The following CLDN16 variants were observed in gnomAD, a reference collection of about 807,000 sequenced individuals.
The protein encoded by CLDN16 is claudin-16.
Under a neutral mutation model 24.6 loss-of-function variants are expected in CLDN16, and 13 were observed. That is an observed-to-expected ratio of 0.53 (90% CI 0.34 to 0.84). The LOEUF is 0.84. Ranked by LOEUF, CLDN16 falls within the 40% of genes least tolerant of loss-of-function variation. The probability of loss-of-function intolerance (pLI) is 0.01; values close to 1 mark genes in which losing one functional copy is unlikely to be tolerated. For missense variants in CLDN16, 298 were observed against 292.7 expected, an observed-to-expected ratio of 1.02 and a Z score of -0.13; for synonymous variants, 116 against 106.7, an observed-to-expected ratio of 1.09 and a Z score of -0.54.
upstream of CLDN16, among the ~76,000 whole-genome samples, chr3:190,319,394 C>T (rs1716857746): frequency 6.6e-6 from 1 of 152,104 alleles, no homozygotes; most frequent in South Asian, 2.1e-4. Flanking sequence ...CATTTGTTTC[C>T]CCAGGAAGTG....
At chr3:190,386,138 C>T (rs1718492238), upstream of CLDN16, among the ~76,000 whole-genome samples, 1 of 150,810 alleles carries the variant, frequency 6.6e-6, no homozygotes, top group Admixed American at 6.6e-5. Flanking sequence ...TTGGTTTGCT[C>T]TCCCAGATCA....
At chr3:190,352,793 G>GAA (rs67683738) in intron 1 of CLDN16, among the ~76,000 whole-genome samples, 1 of 145,560 alleles carries the variant, frequency 6.9e-6, no homozygotes, top group Non-Finnish European at 1.5e-5. Flanking sequence ...TGTTTTCTCA[G>GAA]AAAAAAAAAA....
intron 1 of CLDN16, chr3:190,322,739 A>C: frequency 6.2e-6 from 1 of 160,072 alleles, no homozygotes; most frequent in Non-Finnish European, 1.4e-5. Flanking sequence ...AAATCCTAAC[A>C]CAAAGATGAA....
At chr3:190,309,578 G>A in the CLDN16 span, among the ~76,000 whole-genome samples, 2 of 152,164 alleles carry the variant, frequency 1.3e-5, no homozygotes, top group Non-Finnish European at 2.9e-5. Context: ...TGTTACACGA[G>A]AGCTAAGAAT....
chr3:190,349,218 A>T (rs548394869), intron 1 of CLDN16, among the ~76,000 whole-genome samples: 1 of 152,288 alleles, frequency 6.6e-6, no homozygotes, highest in East Asian at 1.9e-4. Flanking sequence ...AGGCGATTGG[A>T]TCATGGGGAT....
At chr3:190,309,426 C>A in the CLDN16 span, among the ~76,000 whole-genome samples, 1 of 152,142 alleles carries the variant, frequency 6.6e-6, no homozygotes, top group Non-Finnish European at 1.5e-5. Flanking sequence ...CTTATCTCTC[C>A]AAACACTGAG....
At chr3:190,408,534 C>T (rs1408305325) in intron 4 of CLDN16, 29 bp downstream of exon 4, 2 of 1,589,798 alleles carry the variant, frequency 1.3e-6, no homozygotes, top group South Asian at 2.2e-5. Context: ...AGCAAATTTC[C>T]TTGCCTCCAC....
intron 1 of CLDN16, among the ~76,000 whole-genome samples, chr3:190,397,170 A>G (rs1718841515): frequency 6.6e-6 from 1 of 152,130 alleles, no homozygotes; most frequent in Admixed American, 6.5e-5. Context: ...TGCTTTCCTC[A>G]TGCTTGTGAC....
chr3:190,332,025 T>C (rs528333712), intron 1 of CLDN16, among the ~76,000 whole-genome samples: 1 of 152,314 alleles, frequency 6.6e-6, no homozygotes, highest in Non-Finnish European at 1.5e-5. Flanking sequence ...CTGACATTTA[T>C]AAGGACACTT....
chr3:190,407,862 A>G (rs1176112805), intron 3 of CLDN16, among the ~76,000 whole-genome samples: 1 of 152,214 alleles, frequency 6.6e-6, no homozygotes, highest in Non-Finnish European at 1.5e-5. Context: ...GGGTACAGGG[A>G]GCATTAAATA....
chr3:190,336,311 C>T (rs1172688344), intron 1 of CLDN16, among the ~76,000 whole-genome samples: 1 of 152,126 alleles, frequency 6.6e-6, no homozygotes, highest in Admixed American at 6.5e-5. Context: ...CATAATAAGG[C>T]AGATGTGCTT....
At chr3:190,355,164 C>T (rs1240832095) in intron 1 of CLDN16, among the ~76,000 whole-genome samples, 1 of 151,932 alleles carries the variant, frequency 6.6e-6, no homozygotes, top group African/African-American at 2.4e-5. Flanking sequence ...TCTGGTCTCT[C>T]TTTCTCACAC....
intron 1 of CLDN16, among the ~76,000 whole-genome samples, chr3:190,354,580 T>C (rs1343274518): frequency 6.6e-6 from 1 of 151,988 alleles, no homozygotes; most frequent in African/African-American, 2.4e-5. Flanking sequence ...CGTGATCCAG[T>C]CTGGCCAATA....
chr3:190,390,751 T>A (rs1718631893), intron 1 of CLDN16, among the ~76,000 whole-genome samples: 1 of 152,190 alleles, frequency 6.6e-6, no homozygotes, highest in Admixed American at 6.5e-5. Flanking sequence ...CATTTATATA[T>A]CACCTTTGGT....
intron 1 of CLDN16, 26 bp downstream of exon 1, chr3:190,388,469 T>A (rs1366536006): frequency 5.6e-6 from 9 of 1,609,724 alleles, no homozygotes; most frequent in Non-Finnish European, 6.8e-6. Flanking sequence ...CTTCTTTTCA[T>A]GATCCAGGCC....
Position 190,324,208 on chromosome 3 carries a change from C to T in CLDN16, n.121+1547C>T, listed in dbSNP as rs182121201. On this transcript the variant is annotated intron_variant and non_coding_transcript_variant, in intron 1 of 4. Transcript: ENST00000468220. ...CCCGGGCACGGTGGCTCAGGCCAGGCGCAGTGGCTCACGCCTGTAATCCCA... is the reference window on the plus strand; with the variant it reads ...CCCGGGCACGGTGGCTCAGGCCAGGTGCAGTGGCTCACGCCTGTAATCCCA... Among the ~76,000 whole-genome samples, 142 of 152,260 alleles carry T rather than the reference C, an allele frequency of 9.3e-4. 1 individual carries two copies. The highest frequency in any genetic ancestry group is 2.9e-3 in the African/African-American group (122 of 41,546).
chr3:190,339,224 T>C lies in CLDN16; in HGVS notation n.121+16563T>C, dbSNP rs141602285. On this transcript the variant is annotated intron_variant and non_coding_transcript_variant, in intron 1 of 4. Transcript: ENST00000468220. ...TAAAGACTTCTAAGTGTATTCCTTC[T>C]AGAAATCACCTGCACAAGACTCTCT... is the stretch of plus-strand genomic sequence containing the variant. 4.3e-4 allele frequency among the ~76,000 whole-genome samples: 65 copies of C among 152,328 alleles called. 2 individuals carry two copies. In the East Asian group the frequency reaches 0.012, roughly 29 times the overall value.
At chr3:190,386,802 G>T (rs190952461), upstream of CLDN16, among the ~76,000 whole-genome samples, 1 of 151,930 alleles carries the variant, frequency 6.6e-6, no homozygotes, top group Non-Finnish European at 1.5e-5. Flanking sequence ...TTAAATTTAC[G>T]TTTTATATAC....
chr3:190,350,138 T>G (rs1717639596), intron 1 of CLDN16, among the ~76,000 whole-genome samples: 2 of 152,068 alleles, frequency 1.3e-5, no homozygotes, highest in Admixed American at 1.3e-4. Flanking sequence ...TAAGTACATC[T>G]TAATGTCTTA....
Sources: allele counts gnomAD v4.1 joint callset (sites outside exome capture counted in the v4.1 genomes callset), GRCh38; gene constraint gnomAD v4.1.1; transcripts MANE v1.5; gene names NCBI Gene and HGNC (gene_info 2026-07-23, HGNC 2026-07-21).